The following PTPN13 variants were observed in gnomAD, a reference collection of about 807,000 sequenced individuals.
The protein encoded by PTPN13 is tyrosine-protein phosphatase non-receptor type 13.
A neutral mutation model predicts 284.0 loss-of-function variants in PTPN13; 191 were observed. The ratio of observed to expected loss-of-function variants is 0.67; its 90% CI spans 0.60 to 0.76. PTPN13 has a LOEUF of 0.76. Among genes scored for constraint, PTPN13 ranks in the 30% least tolerant of loss-of-function variants. The pLI is 0.00. For synonymous variants in PTPN13, 986 were observed against 1,022.3 expected, an observed-to-expected ratio of 0.96 and a Z score of 0.68; for missense variants, 2,797 against 2,939.9, an observed-to-expected ratio of 0.95 and a Z score of 1.12.
chr4:86,666,708 G>A (rs1353380863), intron 2 of PTPN13, among the ~76,000 whole-genome samples: 2 of 152,198 alleles, frequency 1.3e-5, no homozygotes, highest in Non-Finnish European at 2.9e-5. Context: ...GGCTTGAGGA[G>A]GCGATATCTG....
At chr4:86,689,301 A>G in intron 5 of PTPN13, 111 bp downstream of exon 5, 1 of 845,420 alleles carries the variant, frequency 1.2e-6, no homozygotes, top group Admixed American at 2.5e-5. Context: ...GAAGACTAGA[A>G]ATGGAAAATT....
chr4:86,792,048 ACAAACTTTCC>A (rs1742738786), intron 40 of PTPN13, among the ~76,000 whole-genome samples: 1 of 152,076 alleles, frequency 6.6e-6, no homozygotes, highest in Non-Finnish European at 1.5e-5. Flanking sequence ...GTCGGTAATA[ACAAACTTTCC>A]CAGGCAAAAG....
At chr4:86,614,826 A>T (rs559815267) in intron 1 of PTPN13, among the ~76,000 whole-genome samples, 1 of 152,264 alleles carries the variant, frequency 6.6e-6, no homozygotes, top group Non-Finnish European at 1.5e-5. Flanking sequence ...GAAAGCTGAA[A>T]TGCCCTTTGT....
chr4:86,806,751 G>A (rs1565627793), intron 44 of PTPN13, among the ~76,000 whole-genome samples: 1 of 151,996 alleles, frequency 6.6e-6, no homozygotes, highest in Non-Finnish European at 1.5e-5. Context: ...GTTTTAGTTT[G>A]GTAATCACAG....
chr4:86,737,652 G>GT (rs35215675), intron 15 of PTPN13, among the ~76,000 whole-genome samples: 12,314 of 145,770 alleles, frequency 0.084, 635 homozygotes, highest in Non-Finnish European at 0.11. Context: ...TTACCATAGT[G>GT]TTTTTTTTTT....
intron 7 of PTPN13, among the ~76,000 whole-genome samples, chr4:86,708,548 C>T (rs773270945): frequency 1.5e-4 from 23 of 152,064 alleles, no homozygotes; most frequent in African/African-American, 2.2e-4. Context: ...TTTAAATCTA[C>T]TCATAGCATG....
rs148724554 is a variant in PTPN13, at chr4:86,748,390, C to T, written c.2651-2080C>T. On this transcript the variant is annotated intron_variant, in intron 17 of 47. Transcript: ENST00000411767. ...ATAAATGGTTGGTTTATGATCCCAT[C>T]CCATATCCAAGAGTAGGCTACAAAT... Among the ~76,000 whole-genome samples the T allele has an allele frequency of 3.9e-5, 6 of 152,252 alleles. No individual in the cohort carries two copies. In the East Asian group the frequency reaches 7.7e-4, roughly 20 times the overall value.
intron 6 of PTPN13, 92 bp downstream of exon 6, chr4:86,693,766 A>G: frequency 2.4e-6 from 2 of 820,390 alleles, no homozygotes; most frequent in Non-Finnish European, 3.6e-6. Context: ...GAAATCTGGT[A>G]ATTGAGACTA....
At chr4:86,740,632 A>C (rs1336897429) in intron 15 of PTPN13, among the ~76,000 whole-genome samples, 1 of 152,202 alleles carries the variant, frequency 6.6e-6, no homozygotes, top group Non-Finnish European at 1.5e-5. Context: ...CTTGGTGATT[A>C]ACATTTGGCT....
rs925434357 is a variant in PTPN13 at position 86,799,825 on chromosome 4, CTTTTTTTTT to C, written c.6505+641_6505+649del. On this transcript the variant is annotated intron_variant, in intron 42 of 47. Transcript: ENST00000411767. ...TTCTGGAAGGAGAAGTCAAGGGGCA[CTTTTTTTTT>C]TTTTTTTTTTTTTTTTTTTGAGACA... Among the ~76,000 whole-genome samples the C allele has an allele frequency of 3.6e-5, 3 of 83,232 alleles. No homozygotes were observed. In the South Asian group the frequency reaches 1.3e-3, roughly 37 times the overall value. 54.6% of individuals were successfully genotyped at this position (83,232 alleles called of 152,430 possible).
intron 23 of PTPN13, among the ~76,000 whole-genome samples, chr4:86,760,802 C>T (rs1738580472): frequency 6.6e-6 from 1 of 151,802 alleles, no homozygotes; most frequent in African/African-American, 2.4e-5. Context: ...ATTGTTTCTT[C>T]AGAAAGTAGG....
At chr4:86,632,317 A>G (rs1722555868) in intron 1 of PTPN13, among the ~76,000 whole-genome samples, 1 of 152,162 alleles carries the variant, frequency 6.6e-6, no homozygotes, top group South Asian at 2.1e-4. Flanking sequence ...GCAAGTTGCT[A>G]TATCTGACCC....
intron 35 of PTPN13, among the ~76,000 whole-genome samples, chr4:86,779,442 G>C (rs1012893381): frequency 1.3e-5 from 2 of 151,886 alleles, no homozygotes; most frequent in South Asian, 4.2e-4. Context: ...AATGATGTAT[G>C]TGGGCCTGTG....
At chr4:86,732,882 C>T (rs138826001) in intron 12 of PTPN13, 116 bp downstream of exon 12, 2 of 787,376 alleles carry the variant, frequency 2.5e-6, no homozygotes, top group Non-Finnish European at 3.7e-6. Flanking sequence ...ATGAACTAGT[C>T]AGTAGAAGTG....
chr4:86,655,586 G>T (rs567669198), intron 2 of PTPN13, among the ~76,000 whole-genome samples: 14 of 151,794 alleles, frequency 9.2e-5, no homozygotes, highest in East Asian at 1.9e-4. Flanking sequence ...CTCTTCTGGC[G>T]TGTAGAGTTT....
At position 86,751,093 on chromosome 4, in the gene PTPN13, C is replaced by T. The variant is rs1484592606; in HGVS notation, c.3135C>T (p.Ser1045=). 1 of 1,605,544 alleles carries T rather than the reference C, an allele frequency of 6.2e-7. No individual in the cohort carries two copies. The highest frequency in any genetic ancestry group is 1.1e-5 in the South Asian group (1 of 90,676). The change falls in exon 19 of 48, where the codon TCC becomes TCT. Residue 1045 remains serine, a synonymous_variant. Transcript: ENST00000411767. The part of the protein sequence containing the change: ...ERRKHESDSS[S]IEDPGQAYVL... The stretch of plus-strand genomic sequence containing the variant: ...GGAAACATGAATCAGACTCCTCATC[C>T]ATTGAAGACCCTGGGCAAGCATATG...
At chr4:86,679,410 C>T (rs1211839201) in intron 3 of PTPN13, among the ~76,000 whole-genome samples, 1 of 152,160 alleles carries the variant, frequency 6.6e-6, no homozygotes, top group Non-Finnish European at 1.5e-5. Context: ...TACTAGTGGT[C>T]CTCAAAGTCT....
chr4:86,711,098 C>CT (rs58186398), intron 7 of PTPN13, among the ~76,000 whole-genome samples: 2,237 of 97,102 alleles, frequency 0.023, 56 homozygotes, highest in Middle Eastern at 0.044. Context: ...TAATTATTGC[C>CT]TTTTTTTTTT....
chr4:86,623,775 T>C (rs1721521410), intron 1 of PTPN13, among the ~76,000 whole-genome samples: 1 of 152,186 alleles, frequency 6.6e-6, no homozygotes, highest in Non-Finnish European at 1.5e-5. Flanking sequence ...AGAACTTTGC[T>C]CAAATGACAA....
Sources: allele counts gnomAD v4.1 joint callset (sites outside exome capture counted in the v4.1 genomes callset), GRCh38; gene constraint gnomAD v4.1.1; transcripts MANE v1.5; gene names NCBI Gene and HGNC (gene_info 2026-07-23, HGNC 2026-07-21).